The following NPHP3 variants were observed in gnomAD, a reference collection of about 807,000 sequenced individuals.
NPHP3 encodes nephrocystin 3.
NPHP3 carries 123 observed loss-of-function variants against 171.9 expected under a neutral mutation model. The observed-to-expected ratio is 0.72, with a 90% CI of 0.62 to 0.83. NPHP3 has a LOEUF of 0.83. NPHP3 is among the 40% of genes least tolerant of loss of function. NPHP3 has a pLI of 0.00. For missense variants in NPHP3, 1,506 were observed against 1,591.9 expected (o/e 0.95, Z 0.92); for synonymous variants, 558 against 579.2 (o/e 0.96, Z 0.52).
intron 16 of NPHP3, 146 bp downstream of exon 16, chr3:132,694,681 T>G: frequency 2.4e-6 from 2 of 831,012 alleles, no homozygotes; most frequent in Non-Finnish European, 3.8e-6. Context: ...AAACACAAAT[T>G]TCCACAAGCA....
intron 23 of NPHP3, chr3:132,685,582 T>G (rs112881175): frequency 6.6e-6 from 1 of 152,248 alleles, no homozygotes; most frequent in African/African-American, 2.4e-5. Context: ...TAAATATAAA[T>G]GTCATTTTGA....
At chr3:132,715,000 G>GTT (rs1940011636) in intron 5 of NPHP3, 85 bp downstream of exon 5, 1 of 1,131,524 alleles carries the variant, frequency 8.8e-7, no homozygotes, top group African/African-American at 1.6e-5. Flanking sequence ...AAACTATTTG[G>GTT]TTGAGATACA....
chr3:132,701,765 G>A, intron 9 of NPHP3, among the ~76,000 whole-genome samples: 1 of 152,348 alleles, frequency 6.6e-6, no homozygotes. Flanking sequence ...GCTCACGCCT[G>A]TAATCCCAGC....
intron 18 of NPHP3, among the ~76,000 whole-genome samples, chr3:132,690,912 C>T (rs759542707): frequency 6.6e-6 from 1 of 151,828 alleles, no homozygotes; most frequent in Non-Finnish European, 1.5e-5. Flanking sequence ...TCAATGGACC[C>T]GTATATACAC....
intron 15 of NPHP3, among the ~76,000 whole-genome samples, chr3:132,695,509 A>G (rs1245741965): frequency 1.3e-5 from 2 of 152,240 alleles, no homozygotes; most frequent in Non-Finnish European, 2.9e-5. Context: ...TAAAAACAGT[A>G]AAATACTTTC....
In NPHP3 at chr3:132,715,325, T is replaced by C; in HGVS notation, c.824-107A>G. On this transcript the variant is annotated intron_variant, in intron 4 of 26. Transcript: ENST00000337331. Reference sequence around the variant, plus strand: ...GGCATCATAGAATGGAATCTGATCTTACATGTTAATACTGCCATACCTTCT... The same window carrying C: ...GGCATCATAGAATGGAATCTGATCTCACATGTTAATACTGCCATACCTTCT... The C allele has an allele frequency of 4.8e-6, 4 of 841,514 alleles. No homozygotes were observed. The Admixed American group carries it at 5.5e-5, about 12-fold the overall frequency. 52.1% of individuals were successfully genotyped at this position (841,514 alleles called of 1,614,324 possible). A position where few individuals can be genotyped will look rare whatever the true frequency, so the allele number is the denominator to read the frequency against.
At chr3:132,695,297 A>T in intron 15 of NPHP3, 1 of 238,088 alleles carries the variant, frequency 4.2e-6, no homozygotes, top group Non-Finnish European at 8.4e-6. Context: ...GGAAACGATG[A>T]TAAGTATTGT....
chr3:132,689,127 C>A lies in NPHP3; in HGVS notation c.2830G>T (p.Asp944Tyr). 1 of 1,614,124 alleles carries A rather than the reference C, an allele frequency of 6.2e-7. No individual in the cohort carries two copies. Residue 944 changes from aspartate to tyrosine, a missense_variant, in exon 20 of 27, where the codon GAT becomes TAT. Coordinates refer to ENST00000337331, the MANE Select transcript of NPHP3 (RefSeq NM_153240.5). ...EGEDNMSCLA[D>Y]LYETLGRFLK... ...AATCGCCCCAAGGTTTCATAAAGATCAGCTAAGCAACTCATGTTGTCCTCG... is the reference window on the plus strand; with the variant it reads ...AATCGCCCCAAGGTTTCATAAAGATAAGCTAAGCAACTCATGTTGTCCTCG...
At chr3:132,695,236 C>A in intron 15 of NPHP3, 1 of 362,042 alleles carries the variant, frequency 2.8e-6, no homozygotes, top group Admixed American at 4.3e-5. Flanking sequence ...AAAAATGAGT[C>A]AGACACGGTT....
intron 9 of NPHP3, among the ~76,000 whole-genome samples, chr3:132,702,928 A>G (rs904024149): frequency 6.6e-6 from 1 of 152,146 alleles, no homozygotes; most frequent in South Asian, 2.1e-4. Context: ...TAAAAGAAAA[A>G]CCATAGGATC....
intron 7 of NPHP3, among the ~76,000 whole-genome samples, chr3:132,706,435 A>G (rs1452513708): frequency 6.6e-6 from 1 of 151,482 alleles, no homozygotes; most frequent in African/African-American, 2.4e-5. Flanking sequence ...ATTTTCTCTT[A>G]TGTATTTCCA....
intron 5 of NPHP3, among the ~76,000 whole-genome samples, chr3:132,714,780 C>A (rs1034805376): frequency 2.0e-5 from 3 of 152,066 alleles, no homozygotes; most frequent in African/African-American, 7.2e-5. Context: ...AGTTCCAACA[C>A]CTTAGTTTGA....
At chr3:132,684,451 T>C (rs1202782254) in intron 24 of NPHP3, 103 bp downstream of exon 24, 2 of 1,198,678 alleles carry the variant, frequency 1.7e-6, no homozygotes, top group African/African-American at 1.5e-5. Flanking sequence ...TTAAAGCTCA[T>C]ATAAACTAAC....
chr3:132,721,888 G>T, intron 1 of NPHP3, 75 bp downstream of exon 1: 2 of 1,558,772 alleles, frequency 1.3e-6, no homozygotes, highest in Non-Finnish European at 8.7e-7. Flanking sequence ...TTTCAAAGCC[G>T]CTTGGTTTGG....
intron 10 of NPHP3, among the ~76,000 whole-genome samples, chr3:132,700,935 TATGA>T (rs1157651809): frequency 2.6e-5 from 4 of 152,222 alleles, no homozygotes; most frequent in African/African-American, 9.6e-5. Flanking sequence ...TATTAGCTTA[TATGA>T]ACCTTAGTCC....
At position 132,722,141 on chromosome 3, in the gene NPHP3, G is replaced by A. The variant is rs762186797; in HGVS notation, c.215C>T (p.Ala72Val). The change falls in exon 1 of 27, where the codon GCC becomes GTC. Residue 72 changes from alanine (A) to valine (V), a missense_variant. Physicochemically the swap from Ala to Val is moderately conservative, Grantham distance 64. Around this residue, in one of 3 missense-constraint regions of NPHP3, gnomAD observed 930 missense variants for 924.9 expected, o/e 1.01. Transcript: ENST00000337331. ...CGACGAGCCAGTGGACTTGAAGCTG[G>A]CCCCCAGCAGCCCGCCCGCGCCCAC... ...RGVGAGGLLG[A>V]SFKSTGSSVP... 13 of 1,591,478 alleles carry A rather than the reference G, an allele frequency of 8.2e-6. No individual in the cohort carries two copies. In the Admixed American group the frequency reaches 1.9e-4, roughly 23 times the overall value.
At chr3:132,683,557 T>A in intron 24 of NPHP3, 33 bp from the exon 25 acceptor site, 1 of 1,571,476 alleles carries the variant, frequency 6.4e-7, no homozygotes, top group Non-Finnish European at 8.7e-7. Context: ...AACAAAAATA[T>A]AAGGCAATAA....
chr3:132,707,327 G>A (rs889242457), intron 7 of NPHP3, among the ~76,000 whole-genome samples: 1 of 152,074 alleles, frequency 6.6e-6, no homozygotes, highest in African/African-American at 2.4e-5. Context: ...AGCCAGGCAT[G>A]GTGGCCTGTG....
rs757300023 is a variant in NPHP3 at position 132,688,899 on chromosome 3, G to A, written c.2884-8C>T. ...CTGCAAAGGTACTATGGCCTGGGGG[G>A]AAAAGGGGTGAAAGGCCAGTTAAAG... On this transcript the variant is annotated splice_region_variant and splice_polypyrimidine_tract_variant and intron_variant, in intron 20 of 26. Transcript: ENST00000337331. 40 of 1,614,084 alleles carry A rather than the reference G, an allele frequency of 2.5e-5. No individual in the cohort carries two copies. The East Asian group carries it at 6.7e-4, about 27-fold the overall frequency.
Sources: gnomAD v4.1 joint callset for allele counts (sites outside exome capture counted in the v4.1 genomes callset) on GRCh38, gnomAD v4.1.1 for gene constraint, gnomAD v4.1.1 regional missense constraint, MANE v1.5 for transcripts, NCBI Gene and HGNC (gene_info 2026-07-23, HGNC 2026-07-21) for gene names.